USP3: variants seen among roughly 807,000 people sequenced by gnomAD.
The protein encoded by USP3 is ubiquitin carboxyl-terminal hydrolase 3.
USP3 carries 20 observed loss-of-function variants against 72.3 expected under a neutral mutation model. That is an observed-to-expected ratio of 0.28 (90% CI 0.19 to 0.40). USP3 has a LOEUF of 0.40. USP3 is among the 10% of genes least tolerant of loss of function. The probability of loss-of-function intolerance (pLI) is 1.00; values close to 1 mark genes in which losing one functional copy is unlikely to be tolerated. For synonymous variants in USP3, 222 were observed against 225.3 expected (o/e 0.99, Z 0.13); for missense variants, 479 against 633.9 (o/e 0.76, Z 2.62).
At position 63,570,632 on chromosome 15, in the gene USP3, G is replaced by T; in HGVS notation, c.908+53G>T. The T allele has an allele frequency of 6.4e-7, 1 of 1,555,768 alleles. No homozygotes were observed. Among genetic ancestry groups the T allele is most frequent in the Non-Finnish European group, 8.7e-7 (1 of 1,152,904 alleles). On this transcript the variant is annotated intron_variant, in intron 9 of 14. Transcript: ENST00000380324. The surrounding 1 kb of genome is among the most constrained non-coding windows in gnomAD (Gnocchi z 4.4). The stretch of plus-strand genomic sequence containing the variant: ...AGGAGGGCCTCAGACATTTCTTTTG[G>T]TGTTAATTATGTGTTAGATTTATAA...
intron 9 of USP3, among the ~76,000 whole-genome samples, chr15:63,571,744 C>T (rs1409616627): frequency 6.6e-6 from 1 of 152,130 alleles, no homozygotes; most frequent in Non-Finnish European, 1.5e-5. Context: ...TCAGAATGTT[C>T]TTTTAGTGCC....
At chr15:63,576,419 C>G (rs191601128) in intron 11 of USP3, among the ~76,000 whole-genome samples, 38 of 152,222 alleles carry the variant, frequency 2.5e-4, no homozygotes, top group African/African-American at 9.1e-4. Flanking sequence ...TTCCCTCATT[C>G]TGAGTTGGTT....
intron 1 of USP3, among the ~76,000 whole-genome samples, chr15:63,531,586 A>AT (rs999261394): frequency 3.1e-4 from 47 of 151,730 alleles, no homozygotes; most frequent in Admixed American, 2.6e-3. Context: ...GTTTCGGTTA[A>AT]TTTTTTTTTA....
At chr15:63,551,825 C>T (rs1385262882) in intron 3 of USP3, 1 of 152,174 alleles carries the variant, frequency 6.6e-6, no homozygotes, top group African/African-American at 2.4e-5. Flanking sequence ...TCTAGATCAA[C>T]TTACTTTGGT....
Position 63,574,222 on chromosome 15 carries a change from A to G in USP3, c.1015+70A>G. The G allele has an allele frequency of 2.9e-6, 4 of 1,403,222 alleles. No individual in the cohort carries two copies. The South Asian group carries it at 6.4e-5, about 22-fold the overall frequency. 86.9% of individuals were successfully genotyped at this position (1,403,222 alleles called of 1,614,324 possible). A position where few individuals can be genotyped will look rare whatever the true frequency, so the allele number is the denominator to read the frequency against. On this transcript the variant is annotated intron_variant, in intron 10 of 14. Transcript: ENST00000380324. This position sits in a 1 kb window ranked among gnomAD's most constrained non-coding sequence, Gnocchi z 4.6. ...AAATTTAATGTTTCCTTCAAAAAAT[A>G]AGTGTAAAGAGAAATCTAGAAATAC...
Position 63,592,646 on chromosome 15 carries a change from G to A in USP3, c.*1820G>A, listed in dbSNP as rs2067225914. The A allele has an allele frequency of 2.6e-5, 4 of 151,762 alleles. No homozygotes were observed. The highest frequency in any genetic ancestry group is 1.3e-4 in the Admixed American group (2 of 15,240). The allele number at this position is 151,762 out of a possible 1,614,324, so 9.4% of individuals were successfully genotyped here. On this transcript the variant is annotated 3_prime_UTR_variant, in exon 15 of 15. Coordinates refer to ENST00000380324, the MANE Select transcript of USP3 (RefSeq NM_006537.4). ...AGATGGGGTTTCACCACGTTGCCCA[G>A]GCTGGTCTTGCACTCCTGGGCTCAA...
intron 1 of USP3, among the ~76,000 whole-genome samples, chr15:63,520,356 C>T (rs1404474437): frequency 6.6e-6 from 1 of 151,990 alleles, no homozygotes; most frequent in African/African-American, 2.4e-5. Flanking sequence ...AAAATAGTTC[C>T]AGAATTGCTA....
intron 3 of USP3, among the ~76,000 whole-genome samples, chr15:63,546,709 C>T (rs1361585342): frequency 1.3e-5 from 2 of 152,156 alleles, no homozygotes; most frequent in Admixed American, 6.5e-5. Flanking sequence ...ACGCCATTCT[C>T]CTGCCTCAGC....
chr15:63,529,138 A>G lies in USP3; in HGVS notation c.92-3509A>G. The G allele has an allele frequency of 1.9e-6, 2 of 1,038,260 alleles. No homozygotes were observed. The highest frequency in any genetic ancestry group is 1.7e-5 in the African/African-American group (1 of 60,508). The allele number at this position is 1,038,260 out of a possible 1,614,324, so 64.3% of individuals were successfully genotyped here. On this transcript the variant is annotated intron_variant, in intron 1 of 14. Transcript: ENST00000380324. This position sits in a 1 kb window ranked among gnomAD's most constrained non-coding sequence, Gnocchi z 4.2. Reference sequence around the variant, plus strand: ...CTCAGCCTCCCAAGTAGCTGGGACTACAGATGCAATCACCACCACACTTGG... The same window carrying G: ...CTCAGCCTCCCAAGTAGCTGGGACTGCAGATGCAATCACCACCACACTTGG...
chr15:63,547,232 G>GAAAGCT (rs2066342795), intron 3 of USP3, among the ~76,000 whole-genome samples: 1 of 152,074 alleles, frequency 6.6e-6, no homozygotes, highest in Non-Finnish European at 1.5e-5. Flanking sequence ...AAGAATAGCG[G>GAAAGCT]TAACAACAAT....
intron 1 of USP3, among the ~76,000 whole-genome samples, chr15:63,506,947 T>C (rs1488406530): frequency 6.6e-6 from 1 of 152,212 alleles, no homozygotes; most frequent in South Asian, 2.1e-4. Context: ...TTTGTTGATA[T>C]AATCTAGCGT....
chr15:63,577,478 C>T (rs1032707800), intron 11 of USP3, among the ~76,000 whole-genome samples: 7 of 152,054 alleles, frequency 4.6e-5, no homozygotes, highest in African/African-American at 1.2e-4. Flanking sequence ...AAAAGAAGGC[C>T]GGGCGTGGTG....
In USP3 at chr15:63,561,492, A is replaced by G. The variant is rs80200960; in HGVS notation, c.648-1403A>G. ...GCGCAGCAGCAGAGTTCCTGTTGCC[A>G]GCACTGCTGGAGATGGGTGCTGGCG... is the stretch of plus-strand genomic sequence containing the variant. On this transcript the variant is annotated intron_variant, in intron 7 of 14. Coordinates refer to ENST00000380324, the MANE Select transcript of USP3 (RefSeq NM_006537.4). 9.3e-3 allele frequency among the ~76,000 whole-genome samples: 1,417 copies of G among 152,312 alleles called. 29 individuals are homozygous for G. Among genetic ancestry groups the G allele is most frequent in the African/African-American group, 0.033 (1,360 of 41,574 alleles).
rs563568490 is a variant in USP3, at chr15:63,592,473, G to A, written c.*1647G>A. 5 of 144,832 alleles carry A rather than the reference G, an allele frequency of 3.5e-5. No homozygotes were observed. The highest frequency in any genetic ancestry group is 1.3e-4 in the African/African-American group (5 of 38,972). 9.0% of individuals were successfully genotyped at this position (144,832 alleles called of 1,614,324 possible). On this transcript the variant is annotated 3_prime_UTR_variant, in exon 15 of 15. Transcript: ENST00000380324. ...ATTTTTTTTTTTTTTTTTTAATGGA[G>A]TCTTACTCTGTCCCTCAGGCTGGAG...
chr15:63,532,744 C>T (rs2066095930), intron 2 of USP3, 37 bp downstream of exon 2: 1 of 1,606,228 alleles, frequency 6.2e-7, no homozygotes, highest in Non-Finnish European at 8.5e-7. Context: ...GACCTATTTG[C>T]TTTTTAAAAT....
chr15:63,512,300 TC>T (rs1472897496), intron 1 of USP3, among the ~76,000 whole-genome samples: 3 of 148,302 alleles, frequency 2.0e-5, no homozygotes, highest in African/African-American at 7.6e-5. Flanking sequence ...CTCTTCTTCT[TC>T]CTCCTCTTCT....
At position 63,507,363 on chromosome 15, in the gene USP3, C is replaced by T. The variant is rs904197514; in HGVS notation, c.91+2533C>T. Reference sequence around the variant, plus strand: ...CTAATTGGACAAATAGTTCTATTTTCTTTGAGTATCAGTTTCCTTATATAA... The same window carrying T: ...CTAATTGGACAAATAGTTCTATTTTTTTTGAGTATCAGTTTCCTTATATAA... On this transcript the variant is annotated intron_variant, in intron 1 of 14. Coordinates refer to ENST00000380324, the MANE Select transcript of USP3 (RefSeq NM_006537.4). 7.9e-5 allele frequency among the ~76,000 whole-genome samples: 12 copies of T among 152,188 alleles called. No individual in the cohort carries two copies. In the South Asian group the frequency reaches 1.2e-3, roughly 16 times the overall value.
chr15:63,513,055 C>G (rs189464823), intron 1 of USP3, among the ~76,000 whole-genome samples: 159 of 152,286 alleles, frequency 1.0e-3, no homozygotes, highest in Middle Eastern at 3.4e-3. Flanking sequence ...ACTTTGTACT[C>G]TGCTTTAGAA....
Position 63,553,563 on chromosome 15 carries a change from T to C in USP3, c.285-152T>C. 2 of 520,224 alleles carry C rather than the reference T, an allele frequency of 3.8e-6. No homozygotes were observed. Among genetic ancestry groups the C allele is most frequent in the Non-Finnish European group, 6.3e-6 (2 of 316,710 alleles). The allele number at this position is 520,224 out of a possible 1,614,324, so 32.2% of individuals were successfully genotyped here. A position where few individuals can be genotyped will look rare whatever the true frequency, so the allele number is the denominator to read the frequency against. On this transcript the variant is annotated intron_variant, in intron 3 of 14. Transcript: ENST00000380324. This position sits in a 1 kb window ranked among gnomAD's most constrained non-coding sequence, Gnocchi z 4.2. ...AAAAAGACTCTTGAAAAACATTCCA[T>C]TGTGAATTCCAGGTCCTCTTTAAAC...
Sources: allele counts gnomAD v4.1 joint callset (sites outside exome capture counted in the v4.1 genomes callset), GRCh38; gene constraint gnomAD v4.1.1; non-coding constraint Gnocchi (gnomAD v3.1); transcripts MANE v1.5; gene names NCBI Gene and HGNC (gene_info 2026-07-23, HGNC 2026-07-21).